Variants in ANKRD36 observed in about 807,000 individuals in gnomAD.
ANKRD36 encodes ankyrin repeat domain-containing protein 36A.
A neutral mutation model predicts 278.1 loss-of-function variants in ANKRD36; 179 were observed. The observed-to-expected ratio is 0.64, with a 90% CI of 0.57 to 0.73. The LOEUF (loss-of-function observed/expected upper bound fraction) is 0.73. Among genes scored for constraint, ANKRD36 ranks in the 30% least tolerant of loss-of-function variants. ANKRD36 has a pLI of 0.00. For synonymous variants in ANKRD36, 320 were observed against 641.1 expected (o/e 0.50, Z 7.57); for missense variants, 1,159 against 1,956.7 (o/e 0.59, Z 7.69).
intron 54 of ANKRD36, among the ~76,000 whole-genome samples, chr2:97,208,309 T>G (rs1307354157): frequency 6.8e-6 from 1 of 146,544 alleles, no homozygotes; most frequent in Non-Finnish European, 1.5e-5. Context: ...TTGTTTTCAG[T>G]AAGGGTGGAA....
intron 30 of ANKRD36, among the ~76,000 whole-genome samples, chr2:97,186,630 T>C (rs2153556846): frequency 6.6e-6 from 1 of 151,816 alleles, no homozygotes; most frequent in Non-Finnish European, 1.5e-5. Flanking sequence ...AAATAATGAA[T>C]ATTATTTACT....
intron 3 of ANKRD36, among the ~76,000 whole-genome samples, chr2:97,121,813 T>C (rs1192832376): frequency 6.6e-6 from 1 of 151,812 alleles, no homozygotes; most frequent in Non-Finnish European, 1.5e-5. Context: ...GAAACTAGAA[T>C]ACAAATAGAT....
chr2:97,149,439 G>A (rs1204838564), intron 12 of ANKRD36, 78 bp downstream of exon 12: 6 of 1,207,230 alleles, frequency 5.0e-6, no homozygotes, highest in Non-Finnish European at 5.7e-6. Context: ...AAACTTAGCA[G>A]TTGTCTACCT....
At chr2:97,178,396 T>C (rs199546080) in intron 22 of ANKRD36, among the ~76,000 whole-genome samples, 5 of 151,842 alleles carry the variant, frequency 3.3e-5, no homozygotes, top group South Asian at 2.1e-4. Context: ...TATTACGGCA[T>C]TATTCACAAT....
At chr2:97,195,628 T>A (rs540619955) in intron 40 of ANKRD36, among the ~76,000 whole-genome samples, 156 of 152,118 alleles carry the variant, frequency 1.0e-3, no homozygotes, top group Non-Finnish European at 1.7e-3. Context: ...GTTATAGAAA[T>A]GAGATAAACT....
chr2:97,203,382 A>C (rs2061936329), intron 48 of ANKRD36, among the ~76,000 whole-genome samples: 1 of 151,860 alleles, frequency 6.6e-6, no homozygotes, highest in Non-Finnish European at 1.5e-5. Flanking sequence ...TGATATTTTT[A>C]TTGAGGCTAA....
In ANKRD36 at chr2:97,187,207, A is replaced by C. The variant is rs1162851914; in HGVS notation, c.2051A>C (p.Gln684Pro). 2 of 1,609,670 alleles carry C rather than the reference A, an allele frequency of 1.2e-6. No individual in the cohort carries two copies. Among genetic ancestry groups the C allele is most frequent in the Non-Finnish European group, 1.7e-6 (2 of 1,178,738 alleles). Residue 684 changes from glutamine to proline, a missense_variant, in exon 31 of 76, where the codon CAG becomes CCG. By Grantham distance (76) the Gln-to-Pro change is moderately conservative. Transcript: ENST00000420699. ...DGLQCGTVSSQKQPALKATTD... is the reference protein window; with the variant it reads ...DGLQCGTVSSPKQPALKATTD... The stretch of plus-strand genomic sequence containing the variant: ...CCCTTTTGCTTTTCAGTGTCTTCTC[A>C]GAAACAACCAGCCTTGAAGGTAATT...
intron 66 of ANKRD36, among the ~76,000 whole-genome samples, chr2:97,220,729 C>CTTTTTTTTTTTTTTTTTTTT: frequency 1.5e-5 from 1 of 66,494 alleles, no homozygotes; most frequent in Admixed American, 1.6e-4. Context: ...GATTTTCTTG[C>CTTTTTTTTTTTTTTTTTTTT]TTTTTTTTTT....
chr2:97,241,145 G>T, intron 68 of ANKRD36, 121 bp from the exon 69 acceptor site: 1 of 480,098 alleles, frequency 2.1e-6, no homozygotes, highest in Non-Finnish European at 3.8e-6. Flanking sequence ...CACCTTGTAG[G>T]CACTCAATAT....
chr2:97,208,360 G>A (rs995163072), intron 54 of ANKRD36, among the ~76,000 whole-genome samples: 3 of 146,666 alleles, frequency 2.0e-5, no homozygotes, highest in Non-Finnish European at 3.0e-5. Flanking sequence ...ACTTCAGCTC[G>A]TACTGCCAAG....
intron 62 of ANKRD36, chr2:97,216,682 G>A (rs542886371): frequency 3.0e-5 from 9 of 302,904 alleles, no homozygotes; most frequent in East Asian, 9.7e-5. Context: ...CTGAAGAGAC[G>A]TGAAGTGTAC....
At chr2:97,200,057 G>A (rs1256329657) in intron 44 of ANKRD36, among the ~76,000 whole-genome samples, 1 of 151,850 alleles carries the variant, frequency 6.6e-6, no homozygotes, top group Non-Finnish European at 1.5e-5. Flanking sequence ...TCATCACTCG[G>A]CATATCCACA....
At chr2:97,142,861 C>A (rs754620059) in intron 8 of ANKRD36, 26 bp downstream of exon 8, 1 of 1,543,388 alleles carries the variant, frequency 6.5e-7, no homozygotes. Context: ...CATTTAATGT[C>A]ATGTTCACTC....
intron 6 of ANKRD36, among the ~76,000 whole-genome samples, chr2:97,139,297 T>A (rs1404443091): frequency 5.9e-5 from 9 of 151,978 alleles, no homozygotes; most frequent in African/African-American, 1.9e-4. Context: ...GAATTAAATT[T>A]TTTTTTAAAA....
In ANKRD36 at chr2:97,227,615, A is replaced by C. The variant is rs567098162; in HGVS notation, c.3951+2736A>C. 3.3e-3 allele frequency among the ~76,000 whole-genome samples: 501 copies of C among 152,182 alleles called. 4 individuals carry two copies. Among genetic ancestry groups the C allele is most frequent in the African/African-American group, 0.011 (455 of 41,550 alleles). On this transcript the variant is annotated intron_variant, in intron 67 of 75. Transcript: ENST00000420699. Reference sequence around the variant, plus strand: ...CTCTTTTCCTAATTGAATACCCTTTATTTCCTTCTCCTGCCTAATGGCCCT... The same window carrying C: ...CTCTTTTCCTAATTGAATACCCTTTCTTTCCTTCTCCTGCCTAATGGCCCT...
At chr2:97,156,410 C>T (rs1336342710) in intron 15 of ANKRD36, among the ~76,000 whole-genome samples, 2 of 139,430 alleles carry the variant, frequency 1.4e-5, no homozygotes, top group East Asian at 4.0e-4. Context: ...GTGATATTCC[C>T]CTTCCTGTGT....
intron 28 of ANKRD36, among the ~76,000 whole-genome samples, chr2:97,184,530 A>G (rs1387934633): frequency 2.0e-5 from 3 of 151,684 alleles, no homozygotes; most frequent in Non-Finnish European, 2.9e-5. Flanking sequence ...TAAAATGGTT[A>G]TTTTCAGTGA....
intron 75 of ANKRD36, among the ~76,000 whole-genome samples, chr2:97,259,088 C>T (rs1171177165): frequency 3.1e-3 from 420 of 136,682 alleles, no homozygotes; most frequent in Non-Finnish European, 4.2e-3. Flanking sequence ...GGAATCATTT[C>T]AAATGTTTTT....
rs753424788 is a variant in ANKRD36 at position 97,113,833 on chromosome 2, C to G, written c.94C>G (p.His32Asp). ...AFPQYPIKPY[H>D]LKRIHRAVLH... The stretch of plus-strand genomic sequence containing the variant: ...TCCCCAATACCCCATTAAACCGTAT[C>G]ATCTGAAGAGGATCCACAGAGCTGT... Residue 32 changes from histidine to aspartate, a missense_variant, in exon 1 of 76, where the codon CAT becomes GAT. His to Asp is a moderately conservative substitution (Grantham distance 81). Coordinates refer to ENST00000420699, the MANE Select transcript of ANKRD36 (RefSeq NM_001354587.1). The G allele has an allele frequency of 1.2e-6, 2 of 1,613,168 alleles. No individual in the cohort carries two copies. The highest frequency in any genetic ancestry group is 3.3e-5 in the Admixed American group (2 of 59,928).
Sources: allele counts gnomAD v4.1 joint callset (sites outside exome capture counted in the v4.1 genomes callset), GRCh38; gene constraint gnomAD v4.1.1; transcripts MANE v1.5; gene names NCBI Gene and HGNC (gene_info 2026-07-23, HGNC 2026-07-21).